Variants in SLIT1 observed in about 807,000 individuals in gnomAD.
SLIT1 encodes the protein slit guidance ligand 1.
A neutral mutation model predicts 186.1 loss-of-function variants in SLIT1; 66 were observed. That is an observed-to-expected ratio of 0.35 (90% CI 0.29 to 0.44). SLIT1 has a LOEUF of 0.44. Among genes scored for constraint, SLIT1 ranks in the 20% least tolerant of loss-of-function variants. The probability of loss-of-function intolerance (pLI) is 1.00; values close to 1 mark genes in which losing one functional copy is unlikely to be tolerated. For missense variants in SLIT1, 1,638 were observed against 2,037.4 expected (o/e 0.80, Z 3.77); for synonymous variants, 761 against 833.8 (o/e 0.91, Z 1.50).
chr10:97,078,350 GC>G (rs1215596550), intron 4 of SLIT1, among the ~76,000 whole-genome samples: 6 of 152,174 alleles, frequency 3.9e-5, no homozygotes, highest in South Asian at 2.1e-4. Context: ...TCCTGTGGCA[GC>G]CCCCTCCTTC....
At chr10:97,051,724 A>C (rs762950058) in intron 13 of SLIT1, among the ~76,000 whole-genome samples, 9 of 150,842 alleles carry the variant, frequency 6.0e-5, no homozygotes, top group Non-Finnish European at 8.8e-5. Flanking sequence ...GAGGCAGAGA[A>C]TTGCTTAAAC....
chr10:97,133,617 T>C (rs1253683014), intron 4 of SLIT1, among the ~76,000 whole-genome samples: 1 of 152,214 alleles, frequency 6.6e-6, no homozygotes, highest in East Asian at 1.9e-4. Context: ...TACTGAACAG[T>C]ACACTGAAAA....
chr10:97,012,569 A>C (rs544038486), intron 30 of SLIT1, among the ~76,000 whole-genome samples: 2 of 152,334 alleles, frequency 1.3e-5, no homozygotes, highest in East Asian at 3.9e-4. Flanking sequence ...GACAACGTGC[A>C]GTCCTGCCTT....
chr10:97,002,831 G>A lies in SLIT1; in HGVS notation c.4027C>T (p.Arg1343Cys), dbSNP rs983319396. The A allele has an allele frequency of 8.1e-6, 13 of 1,614,072 alleles. No individual in the cohort carries two copies. The highest frequency in any genetic ancestry group is 2.7e-5 in the African/African-American group (2 of 74,952). ...ATGCCATGCAGGCAGTAGAGCTTGC[G>A]GCAGGGTTCGCAGCCTGGCACCACG... Reference protein sequence around the residue: ...PGVVPGCEPCRKLYCLHGICQ... With the variant: ...PGVVPGCEPCCKLYCLHGICQ... The change falls in exon 35 of 37, where the codon CGC becomes TGC. Residue 1343 changes from arginine to cysteine, a missense_variant. Physicochemically the swap from Arg to Cys is radical, Grantham distance 180. This residue lies in a region of SLIT1 where 173 missense variants were observed against 290.9 expected (regional missense o/e 0.59). Coordinates refer to ENST00000266058, the MANE Select transcript of SLIT1 (RefSeq NM_003061.3).
At chr10:97,153,088 A>G (rs1390641377) in intron 4 of SLIT1, 1 of 152,192 alleles carries the variant, frequency 6.6e-6, no homozygotes, top group Non-Finnish European at 1.5e-5. Flanking sequence ...ATGCCCAAAT[A>G]TGAGATTCCT....
intron 4 of SLIT1, chr10:97,103,135 A>G (rs1460265902): frequency 1.3e-5 from 2 of 152,254 alleles, no homozygotes; most frequent in African/African-American, 4.8e-5. Flanking sequence ...GCAGCTCTCC[A>G]ATAGCAAGCG....
chr10:97,073,641 C>T (rs1241721575), intron 4 of SLIT1, among the ~76,000 whole-genome samples: 1 of 152,106 alleles, frequency 6.6e-6, no homozygotes, highest in Non-Finnish European at 1.5e-5. Flanking sequence ...CTGACAAGCA[C>T]CTGGGGGATG....
At chr10:97,067,594 G>C (rs1325679949) in intron 4 of SLIT1, among the ~76,000 whole-genome samples, 1 of 152,214 alleles carries the variant, frequency 6.6e-6, no homozygotes, top group African/African-American at 2.4e-5. Flanking sequence ...TCAGGTCCCA[G>C]AGCCCTGGCT....
In SLIT1 at chr10:97,043,176, C is replaced by T. The variant is rs1390223005; in HGVS notation, c.1998-109G>A. 7.3e-7 allele frequency: 1 copy of T among 1,363,022 alleles called. No individual in the cohort carries two copies. Among genetic ancestry groups the T allele is most frequent in the Non-Finnish European group, 1.0e-6 (1 of 984,206 alleles). The allele number at this position is 1,363,022 out of a possible 1,614,324, so 84.4% of individuals were successfully genotyped here. On this transcript the variant is annotated intron_variant, in intron 19 of 36. Coordinates refer to ENST00000266058, the MANE Select transcript of SLIT1 (RefSeq NM_003061.3). This position sits in a 1 kb window ranked among gnomAD's most constrained non-coding sequence, Gnocchi z 7.0. Reference sequence around the variant, plus strand: ...GGGCCACATGGCCACATGGCACTGTCTCCCAGACCACCACCCATCACCAAG... The same window carrying T: ...GGGCCACATGGCCACATGGCACTGTTTCCCAGACCACCACCCATCACCAAG...
chr10:97,171,818 CAA>C (rs1327351394), intron 1 of SLIT1, among the ~76,000 whole-genome samples: 2 of 137,544 alleles, frequency 1.5e-5, no homozygotes. Flanking sequence ...AACTCCATCT[CAA>C]AAAAAAAAAA....
chr10:97,118,674 C>A (rs1192060167), intron 4 of SLIT1, among the ~76,000 whole-genome samples: 2 of 152,186 alleles, frequency 1.3e-5, no homozygotes, highest in Admixed American at 6.5e-5. Flanking sequence ...GCTGCTTCCA[C>A]TTAAAAGACA....
intron 4 of SLIT1, among the ~76,000 whole-genome samples, chr10:97,090,448 G>A (rs893732527): frequency 1.3e-5 from 2 of 152,214 alleles, no homozygotes; most frequent in Admixed American, 6.5e-5. Flanking sequence ...CCATAGGCAG[G>A]GACTGGGTCA....
chr10:97,079,980 C>T (rs886492730), intron 4 of SLIT1, among the ~76,000 whole-genome samples: 1 of 152,140 alleles, frequency 6.6e-6, no homozygotes, highest in Non-Finnish European at 1.5e-5. Flanking sequence ...AATGCCTTCT[C>T]TGCCTTGTTG....
At chr10:97,171,838 T>C (rs1850193119) in intron 1 of SLIT1, among the ~76,000 whole-genome samples, 1 of 151,614 alleles carries the variant, frequency 6.6e-6, no homozygotes, top group South Asian at 2.1e-4. Flanking sequence ...AAAAATCTCC[T>C]TACCATGAAC....
rs769606292 is a variant in SLIT1, at chr10:97,004,776, G to A, written c.3627C>T (p.Asn1209=). 23 of 1,614,084 alleles carry A rather than the reference G, an allele frequency of 1.4e-5. No homozygotes were observed. Among genetic ancestry groups the A allele is most frequent in the African/African-American group, 1.3e-5 (1 of 75,022 alleles). The change falls in exon 33 of 37, where the codon AAC becomes AAT. Residue 1209 remains asparagine (N), a synonymous_variant. Coordinates refer to ENST00000266058, the MANE Select transcript of SLIT1 (RefSeq NM_003061.3). This position sits in a 1 kb window ranked among gnomAD's most constrained non-coding sequence, Gnocchi z 5.1. ...DNGILLYNGD[N]DHIAVELYQG... ...GGTACAGCTCAACTGCAATGTGGTC[G>A]TTGTCCCCGTTGTACAGAAGGATCC... is the stretch of plus-strand genomic sequence containing the variant.
At chr10:97,007,160 T>A (rs1730645016) in intron 31 of SLIT1, among the ~76,000 whole-genome samples, 1 of 152,080 alleles carries the variant, frequency 6.6e-6, no homozygotes, top group Admixed American at 6.6e-5. Flanking sequence ...ATACAGTGAA[T>A]TATAAAGGAA....
Position 97,002,117 on chromosome 10 carries a change from G to A in SLIT1, c.4366+41C>T, listed in dbSNP as rs749186161. The A allele has an allele frequency of 1.0e-5, 13 of 1,303,538 alleles. No homozygotes were observed. The African/African-American group carries it at 1.8e-4, about 18-fold the overall frequency. 80.7% of individuals were successfully genotyped at this position (1,303,538 alleles called of 1,614,324 possible). A position where few individuals can be genotyped will look rare whatever the true frequency, so the allele number is the denominator to read the frequency against. On this transcript the variant is annotated intron_variant, in intron 36 of 36. Transcript: ENST00000266058. The stretch of plus-strand genomic sequence containing the variant: ...AGTCAAATTGCTAAAGCAATTTGTG[G>A]GGGACCCTGGGGAGGGCACGTCAGG...
At chr10:97,117,080 A>C (rs924748682) in intron 4 of SLIT1, among the ~76,000 whole-genome samples, 1 of 152,180 alleles carries the variant, frequency 6.6e-6, no homozygotes, top group Non-Finnish European at 1.5e-5. Context: ...AGACATGCCA[A>C]TACCTTGCTT....
chr10:97,174,031 C>T (rs1443975483), intron 1 of SLIT1, among the ~76,000 whole-genome samples: 1 of 152,224 alleles, frequency 6.6e-6, no homozygotes, highest in Non-Finnish European at 1.5e-5. Flanking sequence ...TAGAGCTCAG[C>T]AAGCTCTTCC....
Sources: allele counts gnomAD v4.1 joint callset (sites outside exome capture counted in the v4.1 genomes callset), GRCh38; gene constraint gnomAD v4.1.1; regional missense constraint gnomAD v4.1.1; non-coding constraint Gnocchi (gnomAD v3.1); transcripts MANE v1.5; gene names NCBI Gene and HGNC (gene_info 2026-07-23, HGNC 2026-07-21).